RBMS3: variants seen among roughly 807,000 people sequenced by gnomAD.
The protein encoded by RBMS3 is RNA binding motif single stranded interacting protein 3, also known as RNA-binding motif, single-stranded-interacting protein 3.
A neutral mutation model predicts 66.8 loss-of-function variants in RBMS3; 27 were observed. The ratio of observed to expected loss-of-function variants is 0.40; its 90% confidence interval spans 0.30 to 0.56. The LOEUF (loss-of-function observed/expected upper bound fraction) is 0.56, where lower values mean the gene tolerates loss of function less well. Among genes scored for constraint, RBMS3 ranks in the 20% least tolerant of loss-of-function variants. The pLI, the probability that RBMS3 is intolerant of heterozygous loss-of-function variation, is 0.40. For synonymous variants in RBMS3, 188 were observed against 183.0 expected, an observed-to-expected ratio of 1.03 and a Z score of -0.22; for missense variants, 513 against 549.5, an observed-to-expected ratio of 0.93 and a Z score of 0.66.
intron 3 of RBMS3, among the ~76,000 whole-genome samples, chr3:29,572,643 T>C (rs2046987215): frequency 1.3e-5 from 2 of 152,248 alleles, no homozygotes; most frequent in South Asian, 4.1e-4. Flanking sequence ...AGTGATCATC[T>C]TAATGTATTG....
chr3:29,363,978 C>G (rs1031843843), intron 1 of RBMS3, among the ~76,000 whole-genome samples: 21 of 151,554 alleles, frequency 1.4e-4, no homozygotes, highest in African/African-American at 3.9e-4. Flanking sequence ...CTTAGAAAAA[C>G]TTTTGTGTTA....
intron 4 of RBMS3, among the ~76,000 whole-genome samples, chr3:29,625,205 T>A (rs2049015407): frequency 6.6e-6 from 1 of 152,202 alleles, no homozygotes; most frequent in Non-Finnish European, 1.5e-5. Context: ...GGTAGTTCTC[T>A]ATAGTAGTGT....
Position 29,497,973 on chromosome 3 carries a change from A to ATTTTTTTTTTTTTTTTTTTTTTTT in RBMS3, c.307+9488_307+9511dup, listed in dbSNP as rs779555263. 1.2e-4 allele frequency among the ~76,000 whole-genome samples: 5 copies of ATTTTTTTTTTTTTTTTTTTTTTTT among 43,416 alleles called. 1 individual carries two copies. The highest frequency in any genetic ancestry group is 2.0e-4 in the African/African-American group (2 of 10,126). 28.5% of individuals were successfully genotyped at this position (43,416 alleles called of 152,430 possible). A position where few individuals can be genotyped will look rare whatever the true frequency, so the allele number is the denominator to read the frequency against. ...TCAGAGTTATTCTCTAAAAGTATTC[A>ATTTTTTTTTTTTTTTTTTTTTTTT]TTTTTTTTTTTTTTTTTTTTTTTTT... is the stretch of plus-strand genomic sequence containing the variant. On this transcript the variant is annotated intron_variant, in intron 3 of 14. Coordinates refer to ENST00000383767, the MANE Select transcript of RBMS3 (RefSeq NM_001003793.3).
At chr3:29,284,285 T>C (rs956202951) in intron 1 of RBMS3, among the ~76,000 whole-genome samples, 1 of 152,142 alleles carries the variant, frequency 6.6e-6, no homozygotes. Flanking sequence ...ATTCTGGTGA[T>C]AACATATCTT....
chr3:29,797,035 A>G (rs1271724123), intron 6 of RBMS3, among the ~76,000 whole-genome samples: 1 of 152,010 alleles, frequency 6.6e-6, no homozygotes, highest in African/African-American at 2.4e-5. Context: ...CTTAGTCACC[A>G]TTCCATTAGC....
intron 2 of RBMS3, among the ~76,000 whole-genome samples, chr3:29,474,190 CT>C (rs529581329): frequency 1.2e-3 from 182 of 152,370 alleles, no homozygotes; most frequent in African/African-American, 4.3e-3. Flanking sequence ...AGACCATACA[CT>C]TTTGTTTATC....
chr3:29,930,135 G>T (rs2149677822), intron 10 of RBMS3, among the ~76,000 whole-genome samples: 1 of 5,286 alleles, frequency 1.9e-4, no homozygotes, highest in African/African-American at 4.9e-4. Context: ...TTTTTGAGAT[G>T]GAGTCTCGCT....
intron 1 of RBMS3, among the ~76,000 whole-genome samples, chr3:29,389,442 C>T (rs924584784): frequency 6.6e-6 from 1 of 152,150 alleles, no homozygotes; most frequent in Non-Finnish European, 1.5e-5. Flanking sequence ...TTATCACAGA[C>T]AGGGAACTGT....
intron 2 of RBMS3, among the ~76,000 whole-genome samples, chr3:29,441,437 T>G (rs1435856953): frequency 6.6e-6 from 1 of 152,170 alleles, no homozygotes; most frequent in Non-Finnish European, 1.5e-5. Flanking sequence ...AGTTTTTAAA[T>G]TATTTAATGT....
chr3:29,495,417 CTTTTT>C (rs775377508), intron 3 of RBMS3, among the ~76,000 whole-genome samples: 2 of 111,884 alleles, frequency 1.8e-5, no homozygotes, highest in African/African-American at 6.6e-5. Context: ...ATATTTCTTT[CTTTTT>C]TTTTTTTTTT....
At chr3:29,552,338 C>A (rs1470224710) in intron 3 of RBMS3, among the ~76,000 whole-genome samples, 1 of 152,130 alleles carries the variant, frequency 6.6e-6, no homozygotes, top group African/African-American at 2.4e-5. Flanking sequence ...AACTGCCACA[C>A]TCTCCCTTTT....
At chr3:29,809,796 A>G (rs1304030202) in intron 6 of RBMS3, among the ~76,000 whole-genome samples, 3 of 152,040 alleles carry the variant, frequency 2.0e-5, no homozygotes, top group African/African-American at 7.2e-5. Flanking sequence ...GCAGCAGTTT[A>G]GGCCGAAATG....
chr3:29,549,473 C>T lies in RBMS3; in HGVS notation c.308-37641C>T, dbSNP rs1028630725. Among the ~76,000 whole-genome samples the T allele has an allele frequency of 3.9e-4, 58 of 150,344 alleles. 1 individual carries two copies. Among genetic ancestry groups the T allele is most frequent in the African/African-American group, 1.3e-3 (54 of 40,780 alleles). ...GGAGTGCAGTGGCATGATCTCAGCT[C>T]ACTCCAACCTCTGCCTCCTGGGTTC... On this transcript the variant is annotated intron_variant, in intron 3 of 14. Coordinates refer to ENST00000383767, the MANE Select transcript of RBMS3 (RefSeq NM_001003793.3).
Position 29,587,149 on chromosome 3 carries a change from G to T in RBMS3, c.343G>T (p.Ala115Ser), listed in dbSNP as rs1272130144. ...GFVDFDSPAAAQKAVASLKAN... is the reference protein window; with the variant it reads ...GFVDFDSPAASQKAVASLKAN... ...TGTAGATTTTGACAGTCCTGCAGCC[G>T]CACAGAAAGCGGTAGCATCTCTCAA... is the stretch of plus-strand genomic sequence containing the variant. Residue 115 changes from alanine (A) to serine (S), a missense_variant, in exon 4 of 15, where the codon GCA (alanine) becomes TCA (serine). Physicochemically the swap from Ala to Ser is moderately conservative, Grantham distance 99. Transcript: ENST00000383767. The T allele has an allele frequency of 1.2e-6, 2 of 1,605,638 alleles. No homozygotes were observed. The highest frequency in any genetic ancestry group is 1.7e-6 in the Non-Finnish European group (2 of 1,176,360).
chr3:29,679,927 T>C (rs1473522205), intron 4 of RBMS3, among the ~76,000 whole-genome samples: 1 of 152,074 alleles, frequency 6.6e-6, no homozygotes, highest in Non-Finnish European at 1.5e-5. Flanking sequence ...TGCCCTTAAA[T>C]TGCTAAACTG....
At chr3:29,292,124 T>G (rs1449313592) in intron 1 of RBMS3, among the ~76,000 whole-genome samples, 3 of 151,758 alleles carry the variant, frequency 2.0e-5, no homozygotes, top group Non-Finnish European at 2.9e-5. Context: ...CAATTTTTCT[T>G]CCCAGCCCTC....
At position 29,739,804 on chromosome 3, in the gene RBMS3, C is replaced by T; in HGVS notation, c.484C>T (p.Pro162Ser). ...DEQELENMLKPFGHVISTRIL... is the reference protein window; with the variant it reads ...DEQELENMLKSFGHVISTRIL... ...GCAGGAGCTTGAGAATATGCTGAAA[C>T]CCTTTGGACATGTCATTTCCACAAG... The change falls in exon 5 of 15, where the codon CCC (proline) becomes TCC (serine). Residue 162 changes from proline (P) to serine (S), a missense_variant. Physicochemically the swap from Pro to Ser is moderately conservative, Grantham distance 74. Transcript: ENST00000383767. The T allele has an allele frequency of 6.2e-7, 1 of 1,613,390 alleles. No individual in the cohort carries two copies. The highest frequency in any genetic ancestry group is 8.5e-7 in the Non-Finnish European group (1 of 1,179,582).
At chr3:29,443,070 C>G (rs2041685337) in intron 2 of RBMS3, among the ~76,000 whole-genome samples, 1 of 152,050 alleles carries the variant, frequency 6.6e-6, no homozygotes, top group South Asian at 2.1e-4. Flanking sequence ...CTAGACAATT[C>G]CAGTTTTGTA....
chr3:29,456,049 C>T (rs959226075), intron 2 of RBMS3, among the ~76,000 whole-genome samples: 6 of 152,006 alleles, frequency 3.9e-5, no homozygotes, highest in Admixed American at 3.9e-4. Context: ...GGCAAATTTG[C>T]AAATACAGAA....
Sources: gnomAD v4.1 joint callset for allele counts (sites outside exome capture counted in the v4.1 genomes callset) on GRCh38, gnomAD v4.1.1 for gene constraint, MANE v1.5 for transcripts, NCBI Gene and HGNC (gene_info 2026-07-23, HGNC 2026-07-21) for gene names.